Variants in ATXN1 observed in about 807,000 individuals in gnomAD.
The protein encoded by ATXN1 is ataxin 1, also known as ataxin-1.
In ATXN1, 8 loss-of-function variants were observed where a neutral mutation model predicts 56.4. The ratio of observed to expected loss-of-function variants is 0.14; its 90% CI spans 0.08 to 0.26. The LOEUF (loss-of-function observed/expected upper bound fraction) is 0.26, where lower values mean the gene tolerates loss of function less well. ATXN1 is among the 10% of genes least tolerant of loss of function. The probability of loss-of-function intolerance (pLI) is 1.00; values close to 1 mark genes in which losing one functional copy is unlikely to be tolerated. For synonymous variants in ATXN1, 514 were observed against 494.6 expected (o/e 1.04, Z -0.52); for missense variants, 987 against 1,106.5 (o/e 0.89, Z 1.53).
At chr6:16,314,468 C>T (rs758688708) in intron 7 of ATXN1, among the ~76,000 whole-genome samples, 2 of 152,074 alleles carry the variant, frequency 1.3e-5, no homozygotes, top group Non-Finnish European at 1.5e-5. Flanking sequence ...TCAATGCCAG[C>T]GGGGACTGGT....
chr6:16,383,097 G>A (rs569256702), intron 6 of ATXN1, among the ~76,000 whole-genome samples: 19 of 151,878 alleles, frequency 1.3e-4, no homozygotes, highest in Non-Finnish European at 2.2e-4. Flanking sequence ...TCCCTACCCC[G>A]CACCATATCT....
chr6:16,491,258 A>AATTAGTATTATT (rs1760654017), intron 5 of ATXN1, among the ~76,000 whole-genome samples: 1 of 107,458 alleles, frequency 9.3e-6, no homozygotes, highest in East Asian at 2.4e-4. Flanking sequence ...ACACCTGGCT[A>AATTAGTATTATT]ATTATTATTA....
At chr6:16,517,293 G>A (rs1201552098) in intron 5 of ATXN1, among the ~76,000 whole-genome samples, 1 of 152,202 alleles carries the variant, frequency 6.6e-6, no homozygotes, top group Non-Finnish European at 1.5e-5. Flanking sequence ...GTCAGTTTCT[G>A]AGAGGTAGCA....
chr6:16,317,410 T>C (rs1760536949), intron 7 of ATXN1, among the ~76,000 whole-genome samples: 3 of 152,026 alleles, frequency 2.0e-5, no homozygotes, highest in South Asian at 2.1e-4. Flanking sequence ...CGGTAACCTC[T>C]GCCTCCCAGG....
chr6:16,525,012 A>G (rs760700850), intron 4 of ATXN1, among the ~76,000 whole-genome samples: 2 of 152,208 alleles, frequency 1.3e-5, no homozygotes, highest in Non-Finnish European at 2.9e-5. Flanking sequence ...AGATCATGCC[A>G]CTGTACTCCA....
intron 6 of ATXN1, among the ~76,000 whole-genome samples, chr6:16,350,089 A>G (rs1403698754): frequency 1.3e-5 from 2 of 152,228 alleles, no homozygotes; most frequent in Non-Finnish European, 2.9e-5. Context: ...ATGCTGCTGT[A>G]GGCACCAATG....
At chr6:16,455,673 C>T (rs888842247) in intron 6 of ATXN1, among the ~76,000 whole-genome samples, 1 of 152,144 alleles carries the variant, frequency 6.6e-6, no homozygotes, top group Non-Finnish European at 1.5e-5. Context: ...TGTGGTACAT[C>T]CATACAATAG....
chr6:16,514,291 A>G (rs1310020921), intron 5 of ATXN1, among the ~76,000 whole-genome samples: 2 of 152,104 alleles, frequency 1.3e-5, no homozygotes, highest in African/African-American at 4.8e-5. Flanking sequence ...TAAAAAAAAG[A>G]AAAACAAAAA....
chr6:16,425,753 C>T (rs1038410663), intron 6 of ATXN1, among the ~76,000 whole-genome samples: 1 of 152,050 alleles, frequency 6.6e-6, no homozygotes, highest in Non-Finnish European at 1.5e-5. Flanking sequence ...GACCGAGCAT[C>T]CCTGAAACAC....
chr6:16,568,497 A>G (rs1295882799), intron 4 of ATXN1, among the ~76,000 whole-genome samples: 1 of 152,230 alleles, frequency 6.6e-6, no homozygotes, highest in Non-Finnish European at 1.5e-5. Flanking sequence ...TCAGAGAAAC[A>G]GTGTTATAAA....
chr6:16,459,649 C>CCCAGTT (rs1759951084), intron 6 of ATXN1, among the ~76,000 whole-genome samples: 2 of 152,210 alleles, frequency 1.3e-5, no homozygotes, highest in Admixed American at 1.3e-4. Flanking sequence ...CACTTGGACT[C>CCCAGTT]CCAGTTTCTC....
At chr6:16,576,800 T>C (rs1325764432) in intron 4 of ATXN1, among the ~76,000 whole-genome samples, 1 of 152,206 alleles carries the variant, frequency 6.6e-6, no homozygotes, top group Non-Finnish European at 1.5e-5. Context: ...ACCCCCATGT[T>C]AGCATGCATT....
At position 16,619,436 on chromosome 6, in the gene ATXN1, T is replaced by C. The variant is rs529542607; in HGVS notation, c.-488-33529A>G. ...TGGAAATTACAGTATCTATGAGTGA[T>C]GTAAAACTTACGATAGGCCCTAAGA... On this transcript the variant is annotated intron_variant, in intron 3 of 7. Coordinates refer to ENST00000436367, the MANE Select transcript of ATXN1 (RefSeq NM_001128164.2). 1.1e-4 allele frequency among the ~76,000 whole-genome samples: 17 copies of C among 152,322 alleles called. No homozygotes were observed. The South Asian group carries it at 2.1e-3, about 19-fold the overall frequency.
chr6:16,628,514 T>C (rs183474050), intron 3 of ATXN1, among the ~76,000 whole-genome samples: 1 of 152,220 alleles, frequency 6.6e-6, no homozygotes, highest in Non-Finnish European at 1.5e-5. Flanking sequence ...GTTTATTAAA[T>C]AGATAAACTC....
intron 6 of ATXN1, among the ~76,000 whole-genome samples, chr6:16,346,126 G>A (rs546576594): frequency 2.6e-5 from 4 of 152,272 alleles, no homozygotes; most frequent in African/African-American, 9.6e-5. Context: ...CGTGATCCCA[G>A]CTCACTGCAA....
chr6:16,377,405 T>G (rs897328502), intron 6 of ATXN1, among the ~76,000 whole-genome samples: 2 of 152,168 alleles, frequency 1.3e-5, no homozygotes, highest in South Asian at 4.1e-4. Flanking sequence ...TGCTTTTCTG[T>G]GTGAAGAATG....
intron 7 of ATXN1, among the ~76,000 whole-genome samples, chr6:16,315,291 G>A (rs1760484172): frequency 1.3e-5 from 2 of 152,044 alleles, no homozygotes; most frequent in Non-Finnish European, 2.9e-5. Flanking sequence ...ACTTTCTTCC[G>A]CTCTTTCTCT....
At chr6:16,741,587 T>C (rs948100103) in intron 2 of ATXN1, among the ~76,000 whole-genome samples, 3 of 152,186 alleles carry the variant, frequency 2.0e-5, no homozygotes, top group African/African-American at 7.2e-5. Context: ...ATGTTCTCTG[T>C]ACAGCAGGAC....
chr6:16,660,456 A>G (rs1260781532), intron 2 of ATXN1, among the ~76,000 whole-genome samples: 1 of 152,256 alleles, frequency 6.6e-6, no homozygotes. Flanking sequence ...GCAGCAAAGT[A>G]TGGGATATCA....
Sources: gnomAD v4.1 joint callset for allele counts (sites outside exome capture counted in the v4.1 genomes callset) on GRCh38, gnomAD v4.1.1 for gene constraint, MANE v1.5 for transcripts, NCBI Gene and HGNC (gene_info 2026-07-23, HGNC 2026-07-21) for gene names.